Variants in CMIP observed in about 807,000 individuals in gnomAD.
CMIP encodes C-Maf-inducing protein.
A neutral mutation model predicts 97.3 loss-of-function variants in CMIP; 13 were observed. The observed-to-expected ratio is 0.13, with a 90% CI of 0.09 to 0.21. CMIP has a LOEUF of 0.21. Among genes scored for constraint, CMIP ranks in the 10% least tolerant of loss-of-function variants. CMIP has a pLI of 1.00. For missense variants in CMIP, 847 were observed against 1,024.9 expected (o/e 0.83, Z 2.37); for synonymous variants, 538 against 436.3 (o/e 1.23, Z -2.91).
intron 1 of CMIP, among the ~76,000 whole-genome samples, chr16:81,604,310 C>T (rs899076953): frequency 6.7e-5 from 10 of 149,082 alleles, no homozygotes; most frequent in East Asian, 4.0e-4. Flanking sequence ...GCAGGAGAAT[C>T]GCTTGAACCC....
chr16:81,699,265 A>G (rs1907110888), intron 14 of CMIP, among the ~76,000 whole-genome samples: 1 of 152,178 alleles, frequency 6.6e-6, no homozygotes, highest in Admixed American at 6.5e-5. Flanking sequence ...CAAAAAAAAT[A>G]AAAATAGCAA....
chr16:81,644,036 A>G (rs1167697748), intron 3 of CMIP, among the ~76,000 whole-genome samples: 2 of 152,180 alleles, frequency 1.3e-5, no homozygotes, highest in East Asian at 3.8e-4. Context: ...GAGAAAAAAA[A>G]TAGTGTTCAG....
At chr16:81,463,411 G>A (rs149599995) in intron 1 of CMIP, among the ~76,000 whole-genome samples, 1 of 152,098 alleles carries the variant, frequency 6.6e-6, no homozygotes, top group Admixed American at 6.5e-5. Flanking sequence ...ATGTTCTAAA[G>A]CCAAAAAAAG....
intron 3 of CMIP, chr16:81,651,526 T>A (rs1430951603): frequency 8.2e-6 from 2 of 242,668 alleles, no homozygotes; most frequent in African/African-American, 4.6e-5. Context: ...GGCCGGAGTC[T>A]AATTCCTGGC....
intron 10 of CMIP, among the ~76,000 whole-genome samples, chr16:81,681,590 C>T (rs752728535): frequency 2.6e-5 from 4 of 152,180 alleles, no homozygotes; most frequent in East Asian, 1.9e-4. Flanking sequence ...TGGGAGTAGC[C>T]GCCGTTTATG....
At chr16:81,682,453 T>C (rs1904966049) in intron 10 of CMIP, among the ~76,000 whole-genome samples, 1 of 151,826 alleles carries the variant, frequency 6.6e-6, no homozygotes, top group African/African-American at 2.4e-5. Flanking sequence ...TAATCCCAGC[T>C]ACTTGGGAGG....
chr16:81,526,545 G>C (rs2090137665), intron 1 of CMIP, among the ~76,000 whole-genome samples: 1 of 152,144 alleles, frequency 6.6e-6, no homozygotes, highest in Non-Finnish European at 1.5e-5. Flanking sequence ...AATAAAGAGG[G>C]GATCTGTTAC....
At chr16:81,558,691 C>T (rs1195755039) in intron 1 of CMIP, among the ~76,000 whole-genome samples, 3 of 152,196 alleles carry the variant, frequency 2.0e-5, no homozygotes, top group African/African-American at 7.2e-5. Context: ...GTCCTGAGCA[C>T]ATCTTGGAAT....
intron 3 of CMIP, among the ~76,000 whole-genome samples, chr16:81,648,154 G>C (rs1360204296): frequency 6.9e-6 from 1 of 144,754 alleles, no homozygotes; most frequent in Non-Finnish European, 1.5e-5. Context: ...ACTTCTTCAG[G>C]ATCTCTTGGC....
At chr16:81,668,120 C>T (rs1198562892) in intron 7 of CMIP, among the ~76,000 whole-genome samples, 1 of 152,102 alleles carries the variant, frequency 6.6e-6, no homozygotes, top group Non-Finnish European at 1.5e-5. Flanking sequence ...TATTTCTGTT[C>T]TACAGCTTGA....
At chr16:81,669,255 C>A (rs1478859211) in intron 7 of CMIP, among the ~76,000 whole-genome samples, 1 of 121,886 alleles carries the variant, frequency 8.2e-6, no homozygotes, top group African/African-American at 3.2e-5. Flanking sequence ...CCACCTCTCA[C>A]ACTCACCTCC....
chr16:81,701,287 A>G (rs973615647), intron 15 of CMIP, among the ~76,000 whole-genome samples: 2 of 152,120 alleles, frequency 1.3e-5, no homozygotes, highest in African/African-American at 2.4e-5. Context: ...CACCTACTTC[A>G]TGACAGCCAC....
intron 1 of CMIP, among the ~76,000 whole-genome samples, chr16:81,534,593 C>T (rs756699392): frequency 1.8e-4 from 27 of 151,728 alleles, no homozygotes; most frequent in Admixed American, 3.3e-4. Flanking sequence ...TTAGTGTCTT[C>T]GTGGCTTAGA....
intron 1 of CMIP, chr16:81,520,569 G>GGGGAGAGAGAGAGAGAGAGAGAGAGAGA (rs370420453): frequency 2.8e-5 from 3 of 107,002 alleles, no homozygotes; most frequent in African/African-American, 8.7e-5. Flanking sequence ...GGAGGAAGGG[G>GGGGAGAGAGAGAGAGAGAGAGAGAGAGA]GAGAGAGAGA....
At chr16:81,643,337 GA>G (rs1219341158) in intron 3 of CMIP, among the ~76,000 whole-genome samples, 1 of 152,222 alleles carries the variant, frequency 6.6e-6, no homozygotes, top group Non-Finnish European at 1.5e-5. Flanking sequence ...GGGAATCCAG[GA>G]ACAGAAAGTG....
intron 1 of CMIP, among the ~76,000 whole-genome samples, chr16:81,601,168 C>T (rs545072255): frequency 1.1e-4 from 17 of 152,386 alleles, no homozygotes; most frequent in African/African-American, 3.8e-4. Context: ...CAAGGTTTCT[C>T]TGGCCTCGGG....
intron 3 of CMIP, among the ~76,000 whole-genome samples, chr16:81,635,271 G>A (rs1265231231): frequency 8.6e-5 from 13 of 151,980 alleles, no homozygotes; most frequent in Admixed American, 7.9e-4. Context: ...GTCAAGAGGG[G>A]AGGGCCAATT....
At chr16:81,671,335 T>A (rs1360571411) in intron 8 of CMIP, among the ~76,000 whole-genome samples, 2 of 152,194 alleles carry the variant, frequency 1.3e-5, no homozygotes, top group Non-Finnish European at 2.9e-5. Context: ...GCAGCCTCGA[T>A]GACAGCTTCC....
At chr16:81,709,516 G>A (rs987744470) in intron 20 of CMIP, among the ~76,000 whole-genome samples, 2 of 152,150 alleles carry the variant, frequency 1.3e-5, no homozygotes, top group Non-Finnish European at 2.9e-5. Flanking sequence ...CATCTGAGGC[G>A]GGGGCATGGG....
Sources: gnomAD v4.1 joint callset for allele counts (sites outside exome capture counted in the v4.1 genomes callset) on GRCh38, gnomAD v4.1.1 for gene constraint, MANE v1.5 for transcripts, NCBI Gene and HGNC (gene_info 2026-07-23, HGNC 2026-07-21) for gene names.